The following GSE1 variants were observed in gnomAD, a reference collection of about 807,000 sequenced individuals.
The protein encoded by GSE1 is genetic suppressor element 1.
In GSE1, 32 loss-of-function variants were observed where a neutral mutation model predicts 112.6. The ratio of observed to expected loss-of-function variants is 0.28; its 90% CI spans 0.21 to 0.38. GSE1 has a LOEUF of 0.38. Ranked by LOEUF, GSE1 falls within the 10% of genes least tolerant of loss-of-function variation. The pLI, the probability that GSE1 is intolerant of heterozygous loss-of-function variation, is 1.00. For missense variants in GSE1, 2,348 were observed against 1,699.2 expected, an observed-to-expected ratio of 1.38 and a Z score of -6.71; for synonymous variants, 1,115 against 735.6, an observed-to-expected ratio of 1.52 and a Z score of -8.35.
At chr16:85,651,092 G>T (rs1309147139) in intron 3 of GSE1, among the ~76,000 whole-genome samples, 1 of 58,936 alleles carries the variant, frequency 1.7e-5, no homozygotes, top group South Asian at 6.2e-4. Context: ...CTCCCCCTCC[G>T]CCTTCTTTCT....
At chr16:85,367,424 C>G (rs997929301) in intron 2 of GSE1, among the ~76,000 whole-genome samples, 1 of 152,234 alleles carries the variant, frequency 6.6e-6, no homozygotes, top group Non-Finnish European at 1.5e-5. Context: ...ACACACCAGA[C>G]ACAACCCCTG....
chr16:85,543,884 C>G (rs2044609952), intron 2 of GSE1, among the ~76,000 whole-genome samples: 1 of 152,200 alleles, frequency 6.6e-6, no homozygotes, highest in Admixed American at 6.5e-5. Context: ...GTCATCCAGG[C>G]TGGAGGGCAG....
At chr16:85,285,338 A>G (rs1263582577) in intron 1 of GSE1, 3 of 152,302 alleles carry the variant, frequency 2.0e-5, no homozygotes, top group Admixed American at 2.0e-4. Context: ...TCACTACTCA[A>G]AGTGGGGTCT....
chr16:85,647,788 T>C (rs1265838907), intron 2 of GSE1, among the ~76,000 whole-genome samples: 2 of 152,160 alleles, frequency 1.3e-5, no homozygotes, highest in Non-Finnish European at 2.9e-5. Flanking sequence ...GGTTTCACCA[T>C]GTTGGCCAGG....
rs1478080022 is a variant in GSE1 at position 85,661,761 on chromosome 16, G to A, written c.2256G>A (p.Glu752=). ...AGCGCAGGCGGCGGGAGGCCCAGGA[G>A]AAAGGTCTGCCTCCCCGCGGGCCCC... ...LEERRRREAQ[E]KGYYYDLDDS... is the part of the protein sequence containing the mutation. Residue 752 remains glutamate, a synonymous_variant, in exon 9 of 16, where the codon GAG becomes GAA. Coordinates refer to ENST00000253458, the MANE Select transcript of GSE1 (RefSeq NM_014615.5). The A allele has an allele frequency of 2.0e-6, 3 of 1,521,278 alleles. No homozygotes were observed. The highest frequency in any genetic ancestry group is 2.8e-5 in the African/African-American group (2 of 72,678). The allele number at this position is 1,521,278 out of a possible 1,614,324, so 94.2% of individuals were successfully genotyped here.
chr16:85,223,526 AAAC>A (rs1597836853), intron 1 of GSE1, among the ~76,000 whole-genome samples: 2 of 152,126 alleles, frequency 1.3e-5, no homozygotes, highest in African/African-American at 2.4e-5. Context: ...CCATCTCAAA[AAAC>A]AACAACAAAA....
At chr16:85,645,471 G>A (rs1224377972) in intron 2 of GSE1, among the ~76,000 whole-genome samples, 1 of 152,200 alleles carries the variant, frequency 6.6e-6, no homozygotes, top group Non-Finnish European at 1.5e-5. Flanking sequence ...CCGTTCTGCA[G>A]GAAGCAACGG....
chr16:85,547,977 C>T (rs1382529789), intron 2 of GSE1, among the ~76,000 whole-genome samples: 1 of 151,548 alleles, frequency 6.6e-6, no homozygotes, highest in African/African-American at 2.4e-5. Flanking sequence ...CCTGTAATCC[C>T]AGGACTTTGG....
At chr16:85,198,517 G>A (rs2074970363) in intron 1 of GSE1, among the ~76,000 whole-genome samples, 1 of 152,104 alleles carries the variant, frequency 6.6e-6, no homozygotes, top group African/African-American at 2.4e-5. Flanking sequence ...GCAGAGCCAG[G>A]GTGCATCCAG....
intron 2 of GSE1, among the ~76,000 whole-genome samples, chr16:85,414,269 A>G (rs1356954398): frequency 6.6e-6 from 1 of 152,222 alleles, no homozygotes; most frequent in African/African-American, 2.4e-5. Context: ...GTGCTGAGAA[A>G]GCTGGTATTT....
chr16:85,259,289 C>A (rs549947750), intron 1 of GSE1, among the ~76,000 whole-genome samples: 12 of 78,314 alleles, frequency 1.5e-4, no homozygotes, highest in African/African-American at 6.5e-4. Flanking sequence ...CCCTGGCCCA[C>A]CCTGTGCTCC....
chr16:85,518,604 C>T (rs2052033252), intron 2 of GSE1, among the ~76,000 whole-genome samples: 1 of 152,118 alleles, frequency 6.6e-6, no homozygotes, highest in Non-Finnish European at 1.5e-5. Context: ...GTTTCCCCAG[C>T]TGTAAAATGG....
intron 1 of GSE1, among the ~76,000 whole-genome samples, chr16:85,603,525 G>A (rs1480319846): frequency 6.6e-6 from 1 of 152,204 alleles, no homozygotes; most frequent in East Asian, 1.9e-4. Flanking sequence ...TTTTGAGACA[G>A]GGTCTCACTG....
chr16:85,667,278 G>A lies in GSE1; in HGVS notation c.3131-862G>A, dbSNP rs566301779. Among the ~76,000 whole-genome samples, 253 of 151,618 alleles carry A rather than the reference G, an allele frequency of 1.7e-3. 1 individual carries two copies. The highest frequency in any genetic ancestry group is 6.0e-3 in the African/African-American group (247 of 40,858). On this transcript the variant is annotated intron_variant, in intron 13 of 15. Coordinates refer to ENST00000253458, the MANE Select transcript of GSE1 (RefSeq NM_014615.5). ...GCCTTACACTAAACTGTTTCCTCTAGATTTTAGTCACTCTGCCATACCAGT... is the reference window on the plus strand; with the variant it reads ...GCCTTACACTAAACTGTTTCCTCTAAATTTTAGTCACTCTGCCATACCAGT...
At chr16:85,403,314 G>C (rs1290576512) in intron 2 of GSE1, among the ~76,000 whole-genome samples, 1 of 152,214 alleles carries the variant, frequency 6.6e-6, no homozygotes, top group Non-Finnish European at 1.5e-5. Context: ...TTAGGGGCAA[G>C]TCACCAGGTC....
At chr16:85,238,579 C>T (rs1249676050) in intron 1 of GSE1, among the ~76,000 whole-genome samples, 2 of 152,186 alleles carry the variant, frequency 1.3e-5, no homozygotes, top group South Asian at 2.1e-4. Context: ...CAGCTCTGCC[C>T]CCACTGGGGC....
intron 1 of GSE1, among the ~76,000 whole-genome samples, chr16:85,250,467 C>G (rs957054182): frequency 2.6e-4 from 39 of 152,326 alleles, no homozygotes; most frequent in Middle Eastern, 3.4e-3. Context: ...GCGCCAGGGC[C>G]AGGCCTCCCC....
intron 5 of GSE1, among the ~76,000 whole-genome samples, chr16:85,655,460 C>T (rs1316345027): frequency 6.6e-6 from 1 of 152,204 alleles, no homozygotes. Context: ...TTGGAAGGGC[C>T]TGGGCGCTTG....
chr16:85,543,283 G>A lies in GSE1; in HGVS notation c.2465-90631G>A, dbSNP rs143383848. Among the ~76,000 whole-genome samples the A allele has an allele frequency of 2.0e-3, 305 of 152,188 alleles. 1 individual carries two copies. The highest frequency in any genetic ancestry group is 7.1e-3 in the African/African-American group (296 of 41,500). ...TATCCTATAGCTGTTCCAGGGGCTA[G>A]GAGATGGACCCAACCGGACATAGCC... On this transcript the variant is annotated intron_variant, in intron 2 of 2. Coordinates refer to the GSE1 transcript ENST00000637419.
Sources: gnomAD v4.1 joint callset for allele counts (sites outside exome capture counted in the v4.1 genomes callset) on GRCh38, gnomAD v4.1.1 for gene constraint, MANE v1.5 for transcripts, NCBI Gene and HGNC (gene_info 2026-07-23, HGNC 2026-07-21) for gene names.